The following RBFOX3 variants were observed in gnomAD, a reference collection of about 807,000 sequenced individuals.
RBFOX3 encodes the protein RNA binding protein fox-1 homolog 3.
A neutral mutation model predicts 48.7 loss-of-function variants in RBFOX3; 17 were observed. The observed-to-expected ratio is 0.35, with a 90% CI of 0.24 to 0.52. The LOEUF is 0.52. RBFOX3 is among the 20% of genes least tolerant of loss of function. RBFOX3 has a pLI of 0.94. For missense variants in RBFOX3, 382 were observed against 497.5 expected (o/e 0.77, Z 2.21); for synonymous variants, 212 against 209.5 (o/e 1.01, Z -0.10).
intron 3 of RBFOX3, among the ~76,000 whole-genome samples, chr17:79,306,269 C>T (rs1054884241): frequency 1.3e-5 from 2 of 152,260 alleles, no homozygotes; most frequent in Admixed American, 6.5e-5. Flanking sequence ...ATAAACGAGA[C>T]GGGGCTGTGA....
At chr17:79,625,072 C>T in the RBFOX3 span, among the ~76,000 whole-genome samples, 3 of 151,978 alleles carry the variant, frequency 2.0e-5, no homozygotes, top group Admixed American at 6.6e-5. Context: ...CAGATATGCC[C>T]GTGAAACCAT....
intron 4 of RBFOX3, among the ~76,000 whole-genome samples, chr17:79,162,623 G>A (rs184484525): frequency 1.3e-5 from 2 of 152,328 alleles, no homozygotes; most frequent in Admixed American, 6.5e-5. Flanking sequence ...TGTAACAATC[G>A]CGCAGTTAAA....
At chr17:79,271,483 T>C (rs2067689083) in intron 3 of RBFOX3, among the ~76,000 whole-genome samples, 2 of 152,226 alleles carry the variant, frequency 1.3e-5, no homozygotes, top group African/African-American at 4.8e-5. Context: ...TCAAGCTCAT[T>C]AGCCGCTCTT....
chr17:79,524,522 G>A (rs1252818646), intron 1 of RBFOX3, among the ~76,000 whole-genome samples: 2 of 152,164 alleles, frequency 1.3e-5, no homozygotes, highest in East Asian at 3.8e-4. Context: ...CCTTGAATCT[G>A]TGGCAGCATC....
intron 3 of RBFOX3, among the ~76,000 whole-genome samples, chr17:79,279,985 T>C (rs757290720): frequency 4.6e-5 from 7 of 152,084 alleles, no homozygotes; most frequent in Admixed American, 6.5e-5. Flanking sequence ...AGAACAATTC[T>C]AAAATAGTAA....
At chr17:79,485,484 A>T (rs1038715590) in intron 1 of RBFOX3, among the ~76,000 whole-genome samples, 1 of 152,138 alleles carries the variant, frequency 6.6e-6, no homozygotes, top group Non-Finnish European at 1.5e-5. Flanking sequence ...GAAATCTTTA[A>T]GTGTCATGCC....
chr17:79,266,520 T>G (rs1007294740), intron 3 of RBFOX3, among the ~76,000 whole-genome samples: 9 of 152,336 alleles, frequency 5.9e-5, no homozygotes, highest in African/African-American at 2.2e-4. Flanking sequence ...GGGCTGTTAC[T>G]GGGCCGGGTT....
At chr17:79,605,766 C>A (rs1400456357) in intron 1 of RBFOX3, among the ~76,000 whole-genome samples, 1 of 152,224 alleles carries the variant, frequency 6.6e-6, no homozygotes, top group Non-Finnish European at 1.5e-5. Context: ...AAGTGCTTGG[C>A]TCTTGGTCCT....
At chr17:79,594,870 C>T (rs1165301021) in intron 1 of RBFOX3, among the ~76,000 whole-genome samples, 1 of 152,108 alleles carries the variant, frequency 6.6e-6, no homozygotes, top group Admixed American at 6.5e-5. Context: ...CGGAAGCCAC[C>T]CTCAGAAGCC....
rs2061420663 is a variant in RBFOX3 at position 79,391,929 on chromosome 17, C to A, written c.-174-84105G>T. Among the ~76,000 whole-genome samples, 3 of 152,072 alleles carry A rather than the reference C, an allele frequency of 2.0e-5. No individual in the cohort carries two copies. The South Asian group carries it at 6.2e-4, about 32-fold the overall frequency. ...CTTCCCGGTTCTGAAGCTCACAGGT[C>A]GCGGGTTTGCTGAGAAGGCACGTGC... is the stretch of plus-strand genomic sequence containing the variant. On this transcript the variant is annotated intron_variant, in intron 2 of 14. Coordinates refer to ENST00000693108, the MANE Select transcript of RBFOX3 (RefSeq NM_001350451.2). This position sits in a 1 kb window ranked among gnomAD's most constrained non-coding sequence, Gnocchi z 5.0.
At chr17:79,592,646 C>T (rs2145134998) in intron 1 of RBFOX3, among the ~76,000 whole-genome samples, 1 of 152,182 alleles carries the variant, frequency 6.6e-6, no homozygotes, top group South Asian at 2.1e-4. Flanking sequence ...CACACTCCCT[C>T]CTCTCCCACT....
rs1192269740 is a variant in RBFOX3 at position 79,111,867 on chromosome 17, C to G, written c.222+3627G>C. On this transcript the variant is annotated intron_variant, in intron 5 of 14. Coordinates refer to ENST00000693108, the MANE Select transcript of RBFOX3 (RefSeq NM_001350451.2). This position sits in a 1 kb window ranked among gnomAD's most constrained non-coding sequence, Gnocchi z 4.2. ...TGGGGAACACAGACCCTGGGGGTGG[C>G]TCAAGGTAGTGAGATGGGGTCCCCC... is the stretch of plus-strand genomic sequence containing the variant. Among the ~76,000 whole-genome samples, 1 of 152,210 alleles carries G rather than the reference C, an allele frequency of 6.6e-6. No homozygotes were observed.
At chr17:79,104,211 G>A (rs937532845) in intron 6 of RBFOX3, 85 bp from the exon 7 acceptor site, 3 of 1,189,786 alleles carry the variant, frequency 2.5e-6, no homozygotes, top group African/African-American at 3.0e-5. Flanking sequence ...CTCCACTCCT[G>A]AGACGCTCAT....
At chr17:79,571,280 G>T (rs1167501223) in intron 1 of RBFOX3, among the ~76,000 whole-genome samples, 1 of 152,098 alleles carries the variant, frequency 6.6e-6, no homozygotes, top group South Asian at 2.1e-4. Context: ...AAATGGCAGA[G>T]CCTGCCCTAG....
At position 79,209,420 on chromosome 17, in the gene RBFOX3, C is replaced by T. The variant is rs560456232; in HGVS notation, c.-34+26346G>A. Among the ~76,000 whole-genome samples, 71 of 152,324 alleles carry T rather than the reference C, an allele frequency of 4.7e-4. 2 individuals are homozygous for T. Among genetic ancestry groups the T allele is most frequent in the Admixed American group, 4.4e-3 (68 of 15,304 alleles). On this transcript the variant is annotated intron_variant, in intron 4 of 14. Coordinates refer to ENST00000693108, the MANE Select transcript of RBFOX3 (RefSeq NM_001350451.2). ...GTGTGGCAGGCAGGACAGAGGCACT[C>T]GGGACACACCCATTGAACCAAACGG...
intron 4 of RBFOX3, among the ~76,000 whole-genome samples, chr17:79,216,851 C>A (rs535335342): frequency 3.5e-4 from 53 of 152,314 alleles, no homozygotes; most frequent in African/African-American, 9.9e-4. Flanking sequence ...AGAGCCAGAT[C>A]CCAGAGCAGG....
intron 2 of RBFOX3, among the ~76,000 whole-genome samples, chr17:79,381,391 T>G (rs1661633281): frequency 6.6e-6 from 1 of 152,188 alleles, no homozygotes. Context: ...GGTGTACATG[T>G]TTTTCTTTGT....
chr17:79,341,517 C>T (rs558671065), intron 2 of RBFOX3, among the ~76,000 whole-genome samples: 91 of 152,198 alleles, frequency 6.0e-4, no homozygotes, highest in African/African-American at 2.0e-3. Flanking sequence ...AGCACAGTGG[C>T]GGGTGTTGGA....
At chr17:79,303,214 T>C (rs1328904555) in intron 3 of RBFOX3, among the ~76,000 whole-genome samples, 1 of 152,190 alleles carries the variant, frequency 6.6e-6, no homozygotes, top group Non-Finnish European at 1.5e-5. Context: ...TCTCAAATAG[T>C]CCATTTATGC....
Sources: gnomAD v4.1 joint callset for allele counts (sites outside exome capture counted in the v4.1 genomes callset) on GRCh38, gnomAD v4.1.1 for gene constraint, Gnocchi (gnomAD v3.1) non-coding constraint, MANE v1.5 for transcripts, NCBI Gene and HGNC (gene_info 2026-07-23, HGNC 2026-07-21) for gene names.